Variants in SCRG1 observed in about 807,000 individuals in gnomAD.
SCRG1 encodes the protein stimulator of chondrogenesis 1, also known as scrapie-responsive protein 1.
In SCRG1, 3 loss-of-function variants were observed where a neutral mutation model predicts 7.7. The observed-to-expected ratio is 0.39, with a 90% CI of 0.18 to 1.01. The LOEUF is 1.01. Among genes scored for constraint, SCRG1 ranks in the 50% least tolerant of loss-of-function variants. SCRG1 has a pLI of 0.36. For missense variants in SCRG1, 110 were observed against 117.2 expected, an observed-to-expected ratio of 0.94 and a Z score of 0.28; for synonymous variants, 46 against 41.2, an observed-to-expected ratio of 1.12 and a Z score of -0.44.
chr4:173,431,652 A>C, the SCRG1 span, among the ~76,000 whole-genome samples: 2 of 152,216 alleles, frequency 1.3e-5, no homozygotes, highest in Admixed American at 1.3e-4. Flanking sequence ...ATATTTAACT[A>C]GAGTTGGTTT....
the SCRG1 span, among the ~76,000 whole-genome samples, chr4:173,460,515 C>T: frequency 1.3e-5 from 2 of 152,222 alleles, no homozygotes; most frequent in Admixed American, 6.5e-5. Flanking sequence ...ACTCATGAGG[C>T]CTCCATTCCA....
chr4:173,481,553 A>G, the SCRG1 span, among the ~76,000 whole-genome samples: 3 of 152,010 alleles, frequency 2.0e-5, no homozygotes, highest in Admixed American at 2.0e-4. Flanking sequence ...AAGTTACATT[A>G]AGTGTGTCTG....
chr4:173,421,589 G>A, the SCRG1 span, among the ~76,000 whole-genome samples: 2 of 152,128 alleles, frequency 1.3e-5, no homozygotes, highest in African/African-American at 4.8e-5. Flanking sequence ...TTCTGGTCCT[G>A]CTCTGAAAAT....
chr4:173,427,514 A>T, the SCRG1 span, among the ~76,000 whole-genome samples: 2 of 152,224 alleles, frequency 1.3e-5, no homozygotes, highest in African/African-American at 2.4e-5. Context: ...TGAGAGTCCA[A>T]TGCGAATGCC....
At chr4:173,511,133 A>AT in the SCRG1 span, among the ~76,000 whole-genome samples, 1 of 151,962 alleles carries the variant, frequency 6.6e-6, no homozygotes, top group Non-Finnish European at 1.5e-5. The surrounding 1 kb of genome is among the most constrained non-coding windows in gnomAD (Gnocchi z 5.2). Flanking sequence ...CGCCCGGCTA[A>AT]TTTTTTGTAT....
rs1330108558 is a variant in SCRG1, at chr4:173,386,492, A to C, written c.*1849T>G. 1 of 151,900 alleles carries C rather than the reference A, an allele frequency of 6.6e-6. No homozygotes were observed. Among genetic ancestry groups the C allele is most frequent in the Non-Finnish European group, 1.5e-5 (1 of 67,968 alleles). The allele number at this position is 151,900 out of a possible 1,614,324, so 9.4% of individuals were successfully genotyped here. A position where few individuals can be genotyped will look rare whatever the true frequency, so the allele number is the denominator to read the frequency against. On this transcript the variant is annotated 3_prime_UTR_variant, in exon 3 of 3. Transcript: ENST00000296506. ...GACACTGAATTGTGACTACCTCAAA[A>C]TTGTTTGGTCCAGCCCAGTAACACT...
the SCRG1 span, among the ~76,000 whole-genome samples, chr4:173,484,478 A>G: frequency 1.5e-5 from 1 of 65,636 alleles, no homozygotes; most frequent in East Asian, 5.4e-4. Context: ...AATATATAAT[A>G]TATATTATAT....
chr4:173,389,958 A>T, intron 2 of SCRG1: 1 of 253,698 alleles, frequency 3.9e-6, no homozygotes, highest in Non-Finnish European at 8.8e-6. Context: ...GATTTGAAAG[A>T]TTCCTCAATA....
the SCRG1 span, among the ~76,000 whole-genome samples, chr4:173,500,918 G>A: frequency 1.3e-5 from 2 of 152,240 alleles, no homozygotes; most frequent in African/African-American, 4.8e-5. Flanking sequence ...TTAAAAGCAA[G>A]GATCTAAATC....
chr4:173,515,986 G>A, the SCRG1 span, among the ~76,000 whole-genome samples: 1 of 152,120 alleles, frequency 6.6e-6, no homozygotes, highest in Non-Finnish European at 1.5e-5. This position sits in a 1 kb window ranked among gnomAD's most constrained non-coding sequence, Gnocchi z 4.6. Context: ...CCCCAGATTG[G>A]AGAGGTTTAC....
the SCRG1 span, among the ~76,000 whole-genome samples, chr4:173,421,672 G>A: frequency 1.3e-5 from 2 of 152,148 alleles, no homozygotes; most frequent in African/African-American, 4.8e-5. Flanking sequence ...AACATGTCAT[G>A]AGATAAATGT....
intron 2 of SCRG1, among the ~76,000 whole-genome samples, chr4:173,389,162 C>T (rs1259752598): frequency 2.0e-5 from 3 of 152,144 alleles, no homozygotes; most frequent in Admixed American, 6.5e-5. Flanking sequence ...AACTCAAGTT[C>T]TTGGCATCAT....
chr4:173,456,449 C>T, the SCRG1 span, among the ~76,000 whole-genome samples: 1 of 152,158 alleles, frequency 6.6e-6, no homozygotes, highest in Non-Finnish European at 1.5e-5. Flanking sequence ...CAAGCTTTCT[C>T]CTAGGAAGTT....
the SCRG1 span, among the ~76,000 whole-genome samples, chr4:173,517,337 C>T: frequency 6.6e-6 from 1 of 152,212 alleles, no homozygotes; most frequent in East Asian, 1.9e-4. Context: ...CACTTTCATC[C>T]AGCATGGGCA....
the SCRG1 span, among the ~76,000 whole-genome samples, chr4:173,458,153 T>C: frequency 1.1e-4 from 16 of 152,168 alleles, no homozygotes; most frequent in East Asian, 3.1e-3. Flanking sequence ...AACTCAGAAG[T>C]TGAGTGCTCA....
At chr4:173,433,759 C>G in the SCRG1 span, among the ~76,000 whole-genome samples, 2 of 152,172 alleles carry the variant, frequency 1.3e-5, no homozygotes, top group African/African-American at 4.8e-5. Flanking sequence ...TCTGAAGGAG[C>G]AGTGGACTCC....
chr4:173,406,097 C>G (rs1317782406), intron 1 of SCRG1, among the ~76,000 whole-genome samples: 2 of 152,264 alleles, frequency 1.3e-5, no homozygotes, highest in African/African-American at 4.8e-5. Flanking sequence ...TCTGATGCCT[C>G]CAACTCTAAT....
chr4:173,389,571 A>ACAAC (rs945816429), intron 2 of SCRG1: 12 of 186,610 alleles, frequency 6.4e-5, no homozygotes, highest in African/African-American at 1.1e-4. Flanking sequence ...AAACAAACAA[A>ACAAC]CAACCATAAT....
chr4:173,478,980 C>T, the SCRG1 span, among the ~76,000 whole-genome samples: 34 of 152,326 alleles, frequency 2.2e-4, 1 homozygote, highest in South Asian at 7.0e-3. Flanking sequence ...ATTTCAATTT[C>T]AGTGTGTGGC....
Sources: gnomAD v4.1 joint callset for allele counts (sites outside exome capture counted in the v4.1 genomes callset) on GRCh38, gnomAD v4.1.1 for gene constraint, Gnocchi (gnomAD v3.1) non-coding constraint, MANE v1.5 for transcripts, NCBI Gene and HGNC (gene_info 2026-07-23, HGNC 2026-07-21) for gene names.